Variants in AADAT observed in about 807,000 individuals in gnomAD.
AADAT encodes the protein kynurenine/alpha-aminoadipate aminotransferase, mitochondrial.
In AADAT, 25 loss-of-function variants were observed where a neutral mutation model predicts 56.2. The ratio of observed to expected loss-of-function variants is 0.44; its 90% CI spans 0.32 to 0.62. The LOEUF is 0.62. Ranked by LOEUF, AADAT falls within the 20% of genes least tolerant of loss-of-function variation. The pLI, the probability that AADAT is intolerant of heterozygous loss-of-function variation, is 0.04. For missense variants in AADAT, 387 were observed against 510.5 expected (o/e 0.76, Z 2.33); for synonymous variants, 173 against 164.7 (o/e 1.05, Z -0.39).
chr4:170,077,041 G>A (rs1017297021), intron 4 of AADAT, among the ~76,000 whole-genome samples: 3 of 152,176 alleles, frequency 2.0e-5, no homozygotes, highest in African/African-American at 7.2e-5. Flanking sequence ...TGGATGCTCA[G>A]TTCTATTCTA....
intron 2 of AADAT, among the ~76,000 whole-genome samples, chr4:170,087,891 T>C (rs1319883260): frequency 6.6e-6 from 1 of 151,772 alleles, no homozygotes; most frequent in Admixed American, 6.6e-5. Context: ...TTGTTTAGAC[T>C]ATAGAAATGA....
chr4:170,092,183 T>G (rs1732871980), upstream of AADAT, among the ~76,000 whole-genome samples: 1 of 152,240 alleles, frequency 6.6e-6, no homozygotes, highest in Admixed American at 6.5e-5. Flanking sequence ...GCTTGGATAC[T>G]TTTGCAGCGT....
intron 3 of AADAT, among the ~76,000 whole-genome samples, chr4:170,081,993 C>G (rs1223307507): frequency 2.0e-5 from 3 of 152,154 alleles, no homozygotes; most frequent in South Asian, 2.1e-4. Flanking sequence ...ACCACCAGAT[C>G]CATCTTACGA....
intron 4 of AADAT, among the ~76,000 whole-genome samples, chr4:170,074,856 T>C (rs1236468665): frequency 6.6e-6 from 1 of 152,098 alleles, no homozygotes; most frequent in Non-Finnish European, 1.5e-5. Flanking sequence ...ATCTCATTCA[T>C]GGTTGAGCAT....
chr4:170,084,291 C>A (rs1354473061), intron 3 of AADAT, among the ~76,000 whole-genome samples: 1 of 152,086 alleles, frequency 6.6e-6, no homozygotes, highest in Admixed American at 6.6e-5. Context: ...CTTATTACCA[C>A]TGAACTGTAT....
chr4:170,069,119 A>G (rs1416209624), intron 7 of AADAT, 29 bp downstream of exon 7: 3 of 1,584,320 alleles, frequency 1.9e-6, no homozygotes, highest in Admixed American at 3.5e-5. Flanking sequence ...TATTAGATCT[A>G]GCGTCAAGTT....
intron 5 of AADAT, among the ~76,000 whole-genome samples, chr4:170,071,818 G>C (rs1241683066): frequency 6.6e-6 from 1 of 152,150 alleles, no homozygotes. Context: ...CTCAGTGGTA[G>C]AGTCCACAGG....
intron 3 of AADAT, among the ~76,000 whole-genome samples, chr4:170,082,353 C>T (rs1012092638): frequency 6.6e-6 from 1 of 151,994 alleles, no homozygotes. Context: ...AAGTTGTTAC[C>T]TCTTTAAAAT....
chr4:170,090,045 G>GGC (rs1732759300), upstream of AADAT: 1 of 153,124 alleles, frequency 6.5e-6, no homozygotes, highest in South Asian at 2.1e-4. Flanking sequence ...GGCCGCCCGC[G>GGC]GCGCGCGCCT....
At chr4:170,078,076 G>A (rs551557955) in intron 4 of AADAT, among the ~76,000 whole-genome samples, 13 of 152,162 alleles carry the variant, frequency 8.5e-5, no homozygotes, top group East Asian at 3.9e-4. Flanking sequence ...ACAGTTCCAC[G>A]GATCTAACCT....
chr4:170,068,782 G>A, intron 7 of AADAT, 95 bp from the exon 8 acceptor site: 1 of 761,692 alleles, frequency 1.3e-6, no homozygotes, highest in Non-Finnish European at 2.1e-6. Flanking sequence ...TTGTGACCTG[G>A]GGACAAAAGG....
At chr4:170,087,563 T>C (rs1732624606) in intron 2 of AADAT, among the ~76,000 whole-genome samples, 1 of 152,194 alleles carries the variant, frequency 6.6e-6, no homozygotes. Flanking sequence ...ATCGATTCTT[T>C]GTTCTCTCTA....
chr4:170,068,745 A>G, intron 7 of AADAT, 58 bp from the exon 8 acceptor site: 1 of 1,121,914 alleles, frequency 8.9e-7, no homozygotes, highest in Non-Finnish European at 1.3e-6. Context: ...AATACATATC[A>G]CTTTCCTGAT....
chr4:170,068,444 T>C (rs904927275), intron 8 of AADAT, 147 bp downstream of exon 8: 19 of 545,912 alleles, frequency 3.5e-5, no homozygotes, highest in Non-Finnish European at 9.5e-6. Context: ...TTCCAACCCA[T>C]TTCTTTAGAA....
intron 4 of AADAT, among the ~76,000 whole-genome samples, chr4:170,077,836 C>G (rs916522070): frequency 6.6e-6 from 1 of 152,188 alleles, no homozygotes; most frequent in Admixed American, 6.5e-5. Context: ...GTTTTCATGC[C>G]TCTGTTGAGT....
At chr4:170,085,867 C>T (rs191951105) in intron 3 of AADAT, among the ~76,000 whole-genome samples, 200 of 151,972 alleles carry the variant, frequency 1.3e-3, no homozygotes, top group Non-Finnish European at 1.4e-3. Context: ...TAAAGCAAAC[C>T]AGATTACAGT....
intron 6 of AADAT, 148 bp from the exon 7 acceptor site, chr4:170,069,378 A>C (rs914946780): frequency 1.7e-6 from 1 of 597,788 alleles, no homozygotes. Flanking sequence ...TTTAACATGG[A>C]ATAACAAACA....
chr4:170,090,674 T>G (rs1028656253), upstream of AADAT: 1 of 152,210 alleles, frequency 6.6e-6, no homozygotes, highest in Non-Finnish European at 1.5e-5. Flanking sequence ...CTTGCCTTTT[T>G]TTTTCTTACA....
chr4:170,065,833 A>G (rs549877664), intron 10 of AADAT, among the ~76,000 whole-genome samples: 2 of 152,342 alleles, frequency 1.3e-5, no homozygotes, highest in East Asian at 3.9e-4. Flanking sequence ...CTTTATAGAA[A>G]ATAAGATAGG....
Sources: gnomAD v4.1 joint callset for allele counts (sites outside exome capture counted in the v4.1 genomes callset) on GRCh38, gnomAD v4.1.1 for gene constraint, MANE v1.5 for transcripts, NCBI Gene and HGNC (gene_info 2026-07-23, HGNC 2026-07-21) for gene names.